PTPN5: variants seen among roughly 807,000 people sequenced by gnomAD.
The protein encoded by PTPN5 is tyrosine-protein phosphatase non-receptor type 5.
Under a neutral mutation model 73.9 loss-of-function variants are expected in PTPN5, and 29 were observed. That is an observed-to-expected ratio of 0.39 (90% CI 0.29 to 0.54). The LOEUF is 0.54. Among genes scored for constraint, PTPN5 ranks in the 20% least tolerant of loss-of-function variants. The probability of loss-of-function intolerance (pLI) is 0.65; values close to 1 mark genes in which losing one functional copy is unlikely to be tolerated. For synonymous variants in PTPN5, 267 were observed against 304.7 expected, an observed-to-expected ratio of 0.88 and a Z score of 1.29; for missense variants, 652 against 751.4, an observed-to-expected ratio of 0.87 and a Z score of 1.55.
intron 2 of PTPN5, among the ~76,000 whole-genome samples, chr11:18,767,234 T>A (rs1353484788): frequency 1.3e-5 from 2 of 152,142 alleles, no homozygotes; most frequent in Non-Finnish European, 2.9e-5. Context: ...CAATTCCAGA[T>A]TTTAAATAAT....
chr11:18,791,833 C>G (rs993442179), upstream of PTPN5: 5 of 152,114 alleles, frequency 3.3e-5, no homozygotes, highest in Non-Finnish European at 7.3e-5. Flanking sequence ...TGGCACCCCC[C>G]AGCCCCGGCT....
At chr11:18,737,541 C>T (rs1375352573) in intron 9 of PTPN5, among the ~76,000 whole-genome samples, 2 of 152,228 alleles carry the variant, frequency 1.3e-5, no homozygotes, top group Non-Finnish European at 2.9e-5. Flanking sequence ...GCCTTAACTT[C>T]CTTTCCTTAA....
intron 3 of PTPN5, among the ~76,000 whole-genome samples, chr11:18,761,794 C>A (rs1446179471): frequency 6.6e-6 from 1 of 152,082 alleles, no homozygotes; most frequent in Non-Finnish European, 1.5e-5. Flanking sequence ...AAGCACATCA[C>A]CAGGAAGCAT....
intron 1 of PTPN5, among the ~76,000 whole-genome samples, chr11:18,790,733 G>A (rs1257189656): frequency 1.3e-5 from 2 of 152,126 alleles, no homozygotes; most frequent in African/African-American, 4.8e-5. Flanking sequence ...ATGTGGGTGG[G>A]ATCTAGTTGT....
At chr11:18,790,166 G>A (rs1169359297) in intron 1 of PTPN5, among the ~76,000 whole-genome samples, 2 of 151,910 alleles carry the variant, frequency 1.3e-5, no homozygotes, top group African/African-American at 2.4e-5. Context: ...TGAGGGAGCC[G>A]CGTGCTGAGA....
rs773490900 is a variant in PTPN5 at position 18,746,162 on chromosome 11, AATATATAT to A, written c.98-1971_98-1964del. On this transcript the variant is annotated intron_variant, in intron 3 of 14. Transcript: ENST00000358540. Reference sequence around the variant, plus strand: ...ACTTTGAAAAGCTGTTATAAATATAAATATATATATATATATATATATATATATATACA... The same window carrying A: ...ACTTTGAAAAGCTGTTATAAATATAAATATATATATATATATATATATACA... Among the ~76,000 whole-genome samples, 62 of 67,670 alleles carry A rather than the reference AATATATAT, an allele frequency of 9.2e-4. 1 individual carries two copies. Among genetic ancestry groups the A allele is most frequent in the Middle Eastern group, 0.013 (1 of 76 alleles). The allele number at this position is 67,670 out of a possible 152,430, so 44.4% of individuals were successfully genotyped here. A position where few individuals can be genotyped will look rare whatever the true frequency, so the allele number is the denominator to read the frequency against.
chr11:18,763,766 A>G (rs78284054), intron 3 of PTPN5, among the ~76,000 whole-genome samples: 6,244 of 152,320 alleles, frequency 0.041, 172 homozygotes, highest in South Asian at 0.095. Context: ...CTGAGTGGTT[A>G]CATTTATTTA....
chr11:18,779,241 C>T (rs1265579602), intron 1 of PTPN5, among the ~76,000 whole-genome samples: 1 of 152,008 alleles, frequency 6.6e-6, no homozygotes, highest in African/African-American at 2.4e-5. Context: ...CTGGGAAGAT[C>T]TTGGCATCTT....
intron 3 of PTPN5, among the ~76,000 whole-genome samples, chr11:18,765,497 T>C (rs4272766): frequency 0.83 from 126,952 of 152,108 alleles, 54,284 homozygotes; most frequent in Middle Eastern, 0.98. Context: ...CAGCCCTGAA[T>C]GGTCAGTGGT....
intron 8 of PTPN5, among the ~76,000 whole-genome samples, chr11:18,738,927 G>A (rs945290513): frequency 6.8e-6 from 1 of 146,212 alleles, no homozygotes; most frequent in Non-Finnish European, 1.5e-5. Context: ...AGACAAGATC[G>A]CACCACTGCA....
chr11:18,760,463 A>C (rs185950519), intron 3 of PTPN5, among the ~76,000 whole-genome samples: 27 of 152,348 alleles, frequency 1.8e-4, no homozygotes, highest in Non-Finnish European at 2.9e-4. Flanking sequence ...CTTAATACCC[A>C]CAATGATACA....
chr11:18,789,637 A>C (rs1851821800), intron 1 of PTPN5, among the ~76,000 whole-genome samples: 1 of 152,174 alleles, frequency 6.6e-6, no homozygotes, highest in Admixed American at 6.5e-5. Flanking sequence ...CACCCCCCTC[A>C]AAAAGGAAGT....
chr11:18,771,157 C>T (rs967196442), intron 2 of PTPN5, among the ~76,000 whole-genome samples: 3 of 152,068 alleles, frequency 2.0e-5, no homozygotes, highest in Non-Finnish European at 2.9e-5. Context: ...CAGACATGCC[C>T]TCTATCCTGG....
intron 7 of PTPN5, among the ~76,000 whole-genome samples, chr11:18,741,189 C>T (rs770328406): frequency 6.6e-5 from 10 of 152,046 alleles, no homozygotes; most frequent in African/African-American, 2.2e-4. Context: ...GGCTTGGGCC[C>T]GAGAGGATGG....
chr11:18,770,066 G>A (rs954894458), intron 2 of PTPN5, among the ~76,000 whole-genome samples: 1 of 152,160 alleles, frequency 6.6e-6, no homozygotes, highest in African/African-American at 2.4e-5. Flanking sequence ...AGCAGCTTAC[G>A]TTTAAGGAAT....
intron 1 of PTPN5, among the ~76,000 whole-genome samples, chr11:18,786,649 G>A (rs1851686464): frequency 6.6e-6 from 1 of 152,030 alleles, no homozygotes; most frequent in South Asian, 2.1e-4. Context: ...TTCTACATAT[G>A]ACAGGTGACA....
chr11:18,760,340 A>G (rs1366991998), intron 3 of PTPN5, among the ~76,000 whole-genome samples: 1 of 152,188 alleles, frequency 6.6e-6, no homozygotes, highest in African/African-American at 2.4e-5. Context: ...AGGGTGACAA[A>G]GCTTTCCTTG....
chr11:18,767,536 G>C (rs1850693845), intron 2 of PTPN5, among the ~76,000 whole-genome samples: 1 of 152,118 alleles, frequency 6.6e-6, no homozygotes, highest in African/African-American at 2.4e-5. Context: ...CTGGTTGCTG[G>C]CATCCACTCG....
At chr11:18,765,263 C>T (rs1409588075) in intron 3 of PTPN5, among the ~76,000 whole-genome samples, 2 of 152,018 alleles carry the variant, frequency 1.3e-5, no homozygotes, top group Non-Finnish European at 2.9e-5. Context: ...ACAACTGGGA[C>T]GAGCTGCCAC....
Sources: allele counts gnomAD v4.1 joint callset (sites outside exome capture counted in the v4.1 genomes callset), GRCh38; gene constraint gnomAD v4.1.1; transcripts MANE v1.5; gene names NCBI Gene and HGNC (gene_info 2026-07-23, HGNC 2026-07-21).